The following KIF21A variants were observed in gnomAD, a reference collection of about 807,000 sequenced individuals.
KIF21A encodes the protein kinesin family member 21A, also known as kinesin-like protein KIF21A.
A neutral mutation model predicts 202.9 loss-of-function variants in KIF21A; 114 were observed. The observed-to-expected ratio is 0.56, with a 90% CI of 0.48 to 0.66. The LOEUF (loss-of-function observed/expected upper bound fraction) is 0.66. KIF21A is among the 30% of genes least tolerant of loss of function. KIF21A has a pLI of 0.00. For missense variants in KIF21A, 1,677 were observed against 1,994.9 expected (o/e 0.84, Z 3.04); for synonymous variants, 667 against 670.8 (o/e 0.99, Z 0.09).
chr12:39,423,364 C>T (rs1954464488), intron 1 of KIF21A, among the ~76,000 whole-genome samples: 1 of 151,894 alleles, frequency 6.6e-6, no homozygotes, highest in South Asian at 2.1e-4. Context: ...ACCTTACTAC[C>T]CTTCAAAACC....
At position 39,293,662 on chromosome 12, in the gene KIF21A, A is replaced by C. The variant is rs1180291755; in HGVS notation, c.*762T>G. ...TCATAATAGAAACAACTCCATAGGA[A>C]AATAGATCAAAATATATTTCTGTTA... On this transcript the variant is annotated 3_prime_UTR_variant, in exon 38 of 38. Transcript: ENST00000361418. The C allele has an allele frequency of 6.6e-6, 1 of 152,550 alleles. No homozygotes were observed. Among genetic ancestry groups the C allele is most frequent in the African/African-American group, 2.4e-5 (1 of 41,450 alleles). The allele number at this position is 152,550 out of a possible 1,614,324, so 9.4% of individuals were successfully genotyped here. A position where few individuals can be genotyped will look rare whatever the true frequency, so the allele number is the denominator to read the frequency against.
At chr12:39,382,982 C>CA (rs1202852956) in intron 1 of KIF21A, among the ~76,000 whole-genome samples, 1 of 152,176 alleles carries the variant, frequency 6.6e-6, no homozygotes, top group Non-Finnish European at 1.5e-5. Flanking sequence ...CAGCATTTCT[C>CA]ATACAATTCT....
chr12:39,434,420 A>G (rs1344131256), intron 1 of KIF21A, among the ~76,000 whole-genome samples: 2 of 152,240 alleles, frequency 1.3e-5, no homozygotes, highest in Non-Finnish European at 1.5e-5. Context: ...GGAGGGACAC[A>G]TTCAAACCAT....
Position 39,311,432 on chromosome 12 carries a change from A to G in KIF21A, c.4081T>C (p.Phe1361Leu), listed in dbSNP as rs980893693. 6.8e-6 allele frequency: 11 copies of G among 1,612,916 alleles called. No homozygotes were observed. The highest frequency in any genetic ancestry group is 2.2e-5 in the East Asian group (1 of 44,820). ...CTACTAGCACCTTTTGATCCAGTGA[A>G]GAGGAGATCATCAGTAGAATCCACA... ...LCVDSTDDLL[F>L]TGSKDRTCKV... Residue 1361 changes from phenylalanine (F) to leucine (L), a missense_variant, in exon 32 of 38, where the codon TTC becomes CTC. Phe to Leu is a conservative substitution (Grantham distance 22, BLOSUM62 0). Around this residue, in one of 3 missense-constraint regions of KIF21A, gnomAD observed 705 missense variants for 791.9 expected, o/e 0.89. Transcript: ENST00000361418.
At chr12:39,404,442 AG>A (rs1952425958) in intron 1 of KIF21A, among the ~76,000 whole-genome samples, 1 of 152,234 alleles carries the variant, frequency 6.6e-6, no homozygotes, top group African/African-American at 2.4e-5. Context: ...TTTTTTAATA[AG>A]AAAGGGTAAC....
rs1478895038 is a variant in KIF21A, at chr12:39,365,211, T to A, written c.903+1139A>T. ...ACTTTAAAAACTGCAGTCTCTGAAT[T>A]TTTGGAGAGACTAATTTGAGTAATA... On this transcript the variant is annotated intron_variant, in intron 6 of 37. Transcript: ENST00000361418. 2.0e-5 allele frequency among the ~76,000 whole-genome samples: 3 copies of A among 152,310 alleles called. No individual in the cohort carries two copies. The East Asian group carries it at 5.8e-4, about 29-fold the overall frequency.
chr12:39,333,472 C>A lies in KIF21A; in HGVS notation c.2419-192G>T, dbSNP rs550012455. 5.9e-5 allele frequency among the ~76,000 whole-genome samples: 9 copies of A among 152,208 alleles called. No homozygotes were observed. The East Asian group carries it at 1.7e-3, about 29-fold the overall frequency. ...ACAAACACAAATAAATACAGATATA[C>A]CCCATCCCTTTTTGAAAAAATGAAA... On this transcript the variant is annotated intron_variant, in intron 17 of 37. Transcript: ENST00000361418.
intron 6 of KIF21A, among the ~76,000 whole-genome samples, chr12:39,364,654 C>T (rs1372208414): frequency 6.6e-6 from 1 of 152,154 alleles, no homozygotes; most frequent in African/African-American, 2.4e-5. Flanking sequence ...CACTCTATAA[C>T]TGCCTTTGCA....
chr12:39,355,213 TA>T (rs1265264443), intron 10 of KIF21A, among the ~76,000 whole-genome samples: 1 of 152,188 alleles, frequency 6.6e-6, no homozygotes, highest in Non-Finnish European at 1.5e-5. Flanking sequence ...AAGGAAGGAA[TA>T]GTCTTAACTC....
chr12:39,367,698 A>G (rs963486869), intron 4 of KIF21A, among the ~76,000 whole-genome samples, 185 bp downstream of exon 4: 1 of 152,176 alleles, frequency 6.6e-6, no homozygotes, highest in African/African-American at 2.4e-5. Context: ...TGACTTTATA[A>G]TAATCCTGAT....
chr12:39,415,396 C>T (rs1381684827), intron 1 of KIF21A, among the ~76,000 whole-genome samples: 2 of 151,822 alleles, frequency 1.3e-5, no homozygotes, highest in Admixed American at 6.6e-5. Context: ...CCCGCCACCA[C>T]GCCCGGCTAA....
chr12:39,339,234 T>TG (rs1947241699), intron 16 of KIF21A, among the ~76,000 whole-genome samples: 1 of 66,614 alleles, frequency 1.5e-5, no homozygotes, highest in East Asian at 8.8e-4. Flanking sequence ...AGACTCCCTC[T>TG]CAAAAAAAAA....
chr12:39,358,613 T>G (rs1371326661), intron 7 of KIF21A, among the ~76,000 whole-genome samples: 2 of 152,356 alleles, frequency 1.3e-5, no homozygotes, highest in Admixed American at 1.3e-4. Flanking sequence ...TACATTTATT[T>G]CTTACCTCTT....
In KIF21A at chr12:39,361,585, G is replaced by GCA. The variant is rs1565963938; in HGVS notation, c.1019+1512_1019+1513insTG. Among the ~76,000 whole-genome samples the GCA allele has an allele frequency of 2.5e-4, 11 of 43,654 alleles. No homozygotes were observed. The African/African-American group carries it at 2.6e-3, about 10-fold the overall frequency. 28.6% of individuals were successfully genotyped at this position (43,654 alleles called of 152,430 possible). A position where few individuals can be genotyped will look rare whatever the true frequency, so the allele number is the denominator to read the frequency against. ...CTCCCAGGATGGAGTGCAGTGGCACGATCTCCGCCTCCTGGGTTCACGCCA... is the reference window on the plus strand; with the variant it reads ...CTCCCAGGATGGAGTGCAGTGGCACGCAATCTCCGCCTCCTGGGTTCACGCCA... On this transcript the variant is annotated intron_variant, in intron 7 of 37. Transcript: ENST00000361418.
chr12:39,367,156 C>G lies in KIF21A; in HGVS notation c.609G>C (p.Gln203His). The change falls in exon 5 of 38, where the codon CAG becomes CAC. Residue 203 changes from glutamine (Q) to histidine (H), a missense_variant. By Grantham distance (24) the Gln-to-His change is conservative (BLOSUM62 0). This residue lies in a region of KIF21A where 966 missense variants were observed against 1,180.9 expected (regional missense o/e 0.82). Transcript: ENST00000361418. ...GGGATAAAGCACCCAACTTCAAACA[C>G]TGCATCATCTGAAAAAGGGGAAGAA... The part of the protein sequence containing the change: ...RTVNTESEMM[Q>H]CLKLGALSRT... 1 of 1,613,876 alleles carries G rather than the reference C, an allele frequency of 6.2e-7. No individual in the cohort carries two copies. Among genetic ancestry groups the G allele is most frequent in the Non-Finnish European group, 8.5e-7 (1 of 1,179,876 alleles).
Position 39,330,864 on chromosome 12 carries a change from A to G in KIF21A, c.3201T>C (p.Gly1067=). ...TGGTTATTTCTGTTTGTTTGAGTCG[A>G]CCTTCCAGTACTTTAATTTGAGCCT... The part of the protein sequence containing the change: ...QKEAQIKVLE[G]RLKQTEITSA... The change falls in exon 23 of 38, where the codon GGT becomes GGC. Residue 1067 remains glycine, a synonymous_variant. Coordinates refer to ENST00000361418, the MANE Select transcript of KIF21A (RefSeq NM_001173464.2). 6.2e-7 allele frequency: 1 copy of G among 1,613,996 alleles called. No individual in the cohort carries two copies. The highest frequency in any genetic ancestry group is 1.1e-5 in the South Asian group (1 of 91,072).
intron 37 of KIF21A, among the ~76,000 whole-genome samples, chr12:39,295,704 T>G (rs1344044010): frequency 7.0e-6 from 1 of 143,096 alleles, no homozygotes; most frequent in East Asian, 2.1e-4. Flanking sequence ...TTTTTTTTTT[T>G]TTTTTTTTTT....
At position 39,428,469 on chromosome 12, in the gene KIF21A, C is replaced by G. The variant is rs543995023; in HGVS notation, c.44+14458G>C. Among the ~76,000 whole-genome samples the G allele has an allele frequency of 1.2e-4, 18 of 152,242 alleles. No individual in the cohort carries two copies. The East Asian group carries it at 3.5e-3, about 29-fold the overall frequency. On this transcript the variant is annotated intron_variant, in intron 1 of 37. Transcript: ENST00000361418. ...CAGTGGCTATTATTGTGTCAACAAT[C>G]AAGACCCAATTATTGAGTAAGATCC... is the stretch of plus-strand genomic sequence containing the variant.
intron 15 of KIF21A, 88 bp from the exon 16 acceptor site, chr12:39,340,452 A>C (rs922171124): frequency 1.0e-6 from 1 of 985,714 alleles, no homozygotes; most frequent in Non-Finnish European, 1.5e-6. Flanking sequence ...CTAAGAGAAG[A>C]GCTACTTCCC....
Sources: gnomAD v4.1 joint callset for allele counts (sites outside exome capture counted in the v4.1 genomes callset) on GRCh38, gnomAD v4.1.1 for gene constraint, gnomAD v4.1.1 regional missense constraint, MANE v1.5 for transcripts, NCBI Gene and HGNC (gene_info 2026-07-23, HGNC 2026-07-21) for gene names.